PXDNL: variants seen among roughly 807,000 people sequenced by gnomAD.
PXDNL encodes peroxidasin like, also known as probable oxidoreductase PXDNL.
PXDNL carries 145 observed loss-of-function variants against 150.8 expected under a neutral mutation model. The ratio of observed to expected loss-of-function variants is 0.96; its 90% CI spans 0.84 to 1.10. The LOEUF (loss-of-function observed/expected upper bound fraction) is 1.10. PXDNL is among the 50% of genes least tolerant of loss of function. The pLI is 0.00. For synonymous variants in PXDNL, 757 were observed against 725.7 expected, an observed-to-expected ratio of 1.04 and a Z score of -0.69; for missense variants, 2,087 against 1,873.9, an observed-to-expected ratio of 1.11 and a Z score of -2.10.
At chr8:51,574,813 T>A (rs1813015735) in intron 3 of PXDNL, among the ~76,000 whole-genome samples, 1 of 151,982 alleles carries the variant, frequency 6.6e-6, no homozygotes, top group African/African-American at 2.4e-5. Flanking sequence ...CTAGCTAAAG[T>A]ACTCTTCAGG....
Position 51,600,270 on chromosome 8 carries a change from G to A in PXDNL, c.237-7572C>T, listed in dbSNP as rs184831325. On this transcript the variant is annotated intron_variant, in intron 2 of 22. Transcript: ENST00000356297. ...AATTATATCTCATATAAATTATATC[G>A]TTTAGATAATAAATTATATCTTATA... Among the ~76,000 whole-genome samples the A allele has an allele frequency of 6.8e-4, 85 of 124,826 alleles. 2 individuals are homozygous for A. The highest frequency in any genetic ancestry group is 0.023 in the Middle Eastern group (2 of 86). 81.9% of individuals were successfully genotyped at this position (124,826 alleles called of 152,430 possible). A position where few individuals can be genotyped will look rare whatever the true frequency, so the allele number is the denominator to read the frequency against.
At chr8:51,689,570 G>A (rs1004356184) in intron 1 of PXDNL, among the ~76,000 whole-genome samples, 2 of 151,608 alleles carry the variant, frequency 1.3e-5, no homozygotes, top group Admixed American at 1.3e-4. Flanking sequence ...GCTATTATCC[G>A]ACTCTTTTTT....
intron 4 of PXDNL, among the ~76,000 whole-genome samples, chr8:51,519,394 G>A (rs1427416562): frequency 2.0e-5 from 3 of 151,956 alleles, no homozygotes; most frequent in Non-Finnish European, 4.4e-5. Flanking sequence ...TTAGCCAGGC[G>A]TGGTGGTGTG....
intron 1 of PXDNL, among the ~76,000 whole-genome samples, chr8:51,745,651 C>G (rs1446189994): frequency 6.6e-6 from 1 of 152,198 alleles, no homozygotes; most frequent in East Asian, 1.9e-4. Context: ...CCATCCTGTC[C>G]TCTAACCTTC....
In PXDNL at chr8:51,408,579, G is replaced by A; in HGVS notation, c.3045C>T (p.Ser1015=). 6.2e-7 allele frequency: 1 copy of A among 1,612,804 alleles called. No individual in the cohort carries two copies. Among genetic ancestry groups the A allele is most frequent in the Non-Finnish European group, 8.5e-7 (1 of 1,179,466 alleles). The change falls in exon 17 of 23, where the codon AGC becomes AGT. Residue 1015 remains serine, a synonymous_variant. Coordinates refer to ENST00000356297, the MANE Select transcript of PXDNL (RefSeq NM_144651.5). ...VGAELQHITY[S]HWLPKVLGDP... ...CCCCCAGGACCTTAGGCAGCCAGTGGCTGTAGGTGATGTGCTGCAGCTCCG... is the reference window on the plus strand; with the variant it reads ...CCCCCAGGACCTTAGGCAGCCAGTGACTGTAGGTGATGTGCTGCAGCTCCG...
At chr8:51,344,626 C>T (rs1563366432) in intron 20 of PXDNL, among the ~76,000 whole-genome samples, 3 of 152,146 alleles carry the variant, frequency 2.0e-5, no homozygotes, top group African/African-American at 7.2e-5. Flanking sequence ...TAAGCACTTT[C>T]GTTAAGTGAG....
chr8:51,475,231 A>G, intron 6 of PXDNL, 90 bp from the exon 7 acceptor site: 1 of 1,278,190 alleles, frequency 7.8e-7, no homozygotes, highest in Non-Finnish European at 1.1e-6. Context: ...ATTTCCCCTG[A>G]TTTACCTTGT....
At chr8:51,529,875 C>A (rs1469327430) in intron 4 of PXDNL, among the ~76,000 whole-genome samples, 1 of 152,178 alleles carries the variant, frequency 6.6e-6, no homozygotes, top group Non-Finnish European at 1.5e-5. Flanking sequence ...GGGGCTGTCC[C>A]ATGCTTGGTA....
chr8:51,522,567 G>A (rs924182826), intron 4 of PXDNL, among the ~76,000 whole-genome samples: 12 of 152,250 alleles, frequency 7.9e-5, no homozygotes, highest in African/African-American at 2.6e-4. Flanking sequence ...ATGTAAGGCC[G>A]GGGCGGTGGC....
At chr8:51,509,556 G>A (rs558607971) in intron 4 of PXDNL, among the ~76,000 whole-genome samples, 2 of 152,006 alleles carry the variant, frequency 1.3e-5, no homozygotes, top group South Asian at 4.2e-4. Context: ...CTTTCTGCCT[G>A]CGCTGTGCCT....
At chr8:51,675,191 C>T (rs1017132648) in intron 1 of PXDNL, among the ~76,000 whole-genome samples, 1 of 152,162 alleles carries the variant, frequency 6.6e-6, no homozygotes, top group African/African-American at 2.4e-5. Context: ...GAATGTCTCC[C>T]CTCCAAAATT....
rs1458163718 is a variant in PXDNL, at chr8:51,402,358, T to C, written c.3557+5709A>G. Among the ~76,000 whole-genome samples the C allele has an allele frequency of 2.0e-5, 3 of 151,976 alleles. No homozygotes were observed. The East Asian group carries it at 5.8e-4, about 29-fold the overall frequency. ...CTGGCTAACATGGTGAGACCCAATC[T>C]CTACCAAATATACAACCAGGCATGG... On this transcript the variant is annotated intron_variant, in intron 17 of 22. Transcript: ENST00000356297.
At chr8:51,546,015 C>A (rs1812353911) in intron 4 of PXDNL, among the ~76,000 whole-genome samples, 1 of 152,194 alleles carries the variant, frequency 6.6e-6, no homozygotes, top group Non-Finnish European at 1.5e-5. Context: ...GACTAACATG[C>A]AGCTCCCATT....
chr8:51,705,035 T>G (rs529801235), intron 1 of PXDNL, among the ~76,000 whole-genome samples: 2 of 152,314 alleles, frequency 1.3e-5, no homozygotes, highest in African/African-American at 4.8e-5. Flanking sequence ...ATGGTTAGGA[T>G]TTCTCAGAAA....
At chr8:51,700,168 TACACACACACACAC>T (rs58406482) in intron 1 of PXDNL, among the ~76,000 whole-genome samples, 2 of 139,830 alleles carry the variant, frequency 1.4e-5, no homozygotes, top group African/African-American at 3.0e-5. Context: ...TATGCCTGCA[TACACACACACACAC>T]ACACACACAC....
intron 1 of PXDNL, among the ~76,000 whole-genome samples, chr8:51,665,981 A>G (rs1349306226): frequency 6.6e-6 from 1 of 152,250 alleles, no homozygotes; most frequent in Non-Finnish European, 1.5e-5. Flanking sequence ...TGACTTATTT[A>G]ACATTTTTGC....
At chr8:51,748,999 C>T (rs1156617792) in intron 1 of PXDNL, among the ~76,000 whole-genome samples, 1 of 152,100 alleles carries the variant, frequency 6.6e-6, no homozygotes, top group African/African-American at 2.4e-5. Context: ...GAAGGCGTAA[C>T]TAGTGTAAGT....
At chr8:51,736,201 C>A (rs1023924084) in intron 1 of PXDNL, among the ~76,000 whole-genome samples, 1 of 152,142 alleles carries the variant, frequency 6.6e-6, no homozygotes, top group Non-Finnish European at 1.5e-5. Context: ...ACATTTATGT[C>A]GCACAGAATA....
chr8:51,450,345 G>A (rs1179766922), intron 10 of PXDNL, among the ~76,000 whole-genome samples: 6 of 152,086 alleles, frequency 3.9e-5, no homozygotes, highest in Non-Finnish European at 7.4e-5. Context: ...ATCTCATCCT[G>A]TGACTAAAAA....
Sources: gnomAD v4.1 joint callset for allele counts (sites outside exome capture counted in the v4.1 genomes callset) on GRCh38, gnomAD v4.1.1 for gene constraint, MANE v1.5 for transcripts, NCBI Gene and HGNC (gene_info 2026-07-23, HGNC 2026-07-21) for gene names.